Variants in SMAP1 observed in about 807,000 individuals in gnomAD.
The protein encoded by SMAP1 is stromal membrane-associated protein 1.
SMAP1 carries 24 observed loss-of-function variants against 58.5 expected under a neutral mutation model. The observed-to-expected ratio is 0.41, with a 90% confidence interval of 0.30 to 0.58. The LOEUF is 0.58. Ranked by LOEUF, SMAP1 falls within the 20% of genes least tolerant of loss-of-function variation. SMAP1 has a pLI of 0.29. For missense variants in SMAP1, 563 were observed against 566.3 expected, an observed-to-expected ratio of 0.99 and a Z score of 0.06; for synonymous variants, 216 against 196.6, an observed-to-expected ratio of 1.10 and a Z score of -0.82.
At chr6:70,675,524 T>G (rs540983791) in intron 1 of SMAP1, among the ~76,000 whole-genome samples, 37 of 151,662 alleles carry the variant, frequency 2.4e-4, no homozygotes, top group African/African-American at 8.7e-4. Context: ...GGTGGTGCAC[T>G]CCTGTAATCC....
intron 1 of SMAP1, among the ~76,000 whole-genome samples, chr6:70,690,661 A>G (rs1377508252): frequency 2.7e-5 from 4 of 150,498 alleles, no homozygotes; most frequent in African/African-American, 4.9e-5. Context: ...TTCCTGGGAG[A>G]AACTACACTT....
chr6:70,859,997 G>GGGGAAACTGTATCTAGAAAGTAGATAAA, intron 10 of SMAP1: 1 of 480,128 alleles, frequency 2.1e-6, no homozygotes, highest in Non-Finnish European at 3.4e-6. Context: ...GTTAATCTTT[G>GGGGAAACTGTATCTAGAAAGTAGATAAA]GGGAAACTGT....
At chr6:70,851,510 A>G (rs1449842508) in intron 7 of SMAP1, among the ~76,000 whole-genome samples, 1 of 152,190 alleles carries the variant, frequency 6.6e-6, no homozygotes, top group Non-Finnish European at 1.5e-5. Context: ...GAGACTGTAA[A>G]TTGTTAAGAT....
intron 2 of SMAP1, among the ~76,000 whole-genome samples, chr6:70,733,142 A>T (rs922777431): frequency 3.9e-5 from 6 of 152,330 alleles, no homozygotes; most frequent in East Asian, 1.9e-4. Flanking sequence ...TATGTAATTC[A>T]CAGTGAAGTT....
intron 7 of SMAP1, among the ~76,000 whole-genome samples, chr6:70,845,332 A>C (rs1167369974): frequency 1.3e-5 from 2 of 152,192 alleles, no homozygotes; most frequent in Non-Finnish European, 2.9e-5. Flanking sequence ...ATAGTAGTGC[A>C]AGAGGGGGAT....
At chr6:70,765,331 T>C (rs1766923120) in intron 3 of SMAP1, among the ~76,000 whole-genome samples, 1 of 152,184 alleles carries the variant, frequency 6.6e-6, no homozygotes. Context: ...GGCTAGTTGA[T>C]GTAAACAAAA....
intron 1 of SMAP1, among the ~76,000 whole-genome samples, chr6:70,717,675 G>A (rs140716706): frequency 4.3e-4 from 66 of 152,256 alleles, no homozygotes; most frequent in African/African-American, 1.5e-3. Flanking sequence ...AAAGCTACGG[G>A]CTTCCTTTTC....
At position 70,793,644 on chromosome 6, in the gene SMAP1, TAGAGAGAGAGAG is replaced by T. The variant is rs70990334; in HGVS notation, c.495+1893_495+1904del. Among the ~76,000 whole-genome samples, 27 of 140,430 alleles carry T rather than the reference TAGAGAGAGAGAG, an allele frequency of 1.9e-4. 1 individual carries two copies. The South Asian group carries it at 2.1e-3, about 11-fold the overall frequency. 92.1% of individuals were successfully genotyped at this position (140,430 alleles called of 152,430 possible). A position where few individuals can be genotyped will look rare whatever the true frequency, so the allele number is the denominator to read the frequency against. On this transcript the variant is annotated intron_variant, in intron 5 of 10. Transcript: ENST00000370455. ...GGAAAGAAAAGGGGAGGAGAGTAGT[TAGAGAGAGAGAG>T]AGAGAGAGAGAGAGAGAAAGCTTAA...
intron 6 of SMAP1, among the ~76,000 whole-genome samples, chr6:70,829,355 C>A (rs576212646): frequency 6.6e-6 from 1 of 151,814 alleles, no homozygotes; most frequent in Non-Finnish European, 1.5e-5. Flanking sequence ...TGAAGCGATT[C>A]TCCTACCTCA....
At chr6:70,785,874 C>T (rs896380704) in intron 4 of SMAP1, among the ~76,000 whole-genome samples, 13 of 152,160 alleles carry the variant, frequency 8.5e-5, no homozygotes, top group Non-Finnish European at 1.5e-4. Context: ...ACCAGAGGTA[C>T]AAGGAGGAGC....
At chr6:70,856,759 G>T (rs1390489947) in intron 8 of SMAP1, 100 bp from the exon 9 acceptor site, 12 of 1,235,508 alleles carry the variant, frequency 9.7e-6, no homozygotes, top group Non-Finnish European at 1.3e-5. Context: ...ACAATTGTTT[G>T]ATTCCTATCT....
intron 6 of SMAP1, among the ~76,000 whole-genome samples, chr6:70,836,712 AATTGTTT>A (rs1770601821): frequency 6.6e-6 from 1 of 152,194 alleles, no homozygotes; most frequent in African/African-American, 2.4e-5. Flanking sequence ...TTAAGAGTTA[AATTGTTT>A]TATTCACTAT....
chr6:70,681,600 AT>A (rs2128551948), intron 1 of SMAP1, among the ~76,000 whole-genome samples: 1 of 152,290 alleles, frequency 6.6e-6, no homozygotes, highest in East Asian at 1.9e-4. Flanking sequence ...CTGAGTAAAG[AT>A]TTTGCAGAAG....
chr6:70,860,579 ATTTGAGAAGCTGCTCAACTTGC>A lies in SMAP1; in HGVS notation c.*246_*267del. On this transcript the variant is annotated 3_prime_UTR_variant, in exon 11 of 11. Transcript: ENST00000370455. ...TTCCCATGATTTCATGTACTGCATT[ATTTGAGAAGCTGCTCAACTTGC>A]AAAATCAGTTTTCCTCTCAATAAAA... is the stretch of plus-strand genomic sequence containing the variant. 2.3e-6 allele frequency: 1 copy of A among 436,586 alleles called. No individual in the cohort carries two copies. The allele number at this position is 436,586 out of a possible 1,614,324, so 27.0% of individuals were successfully genotyped here.
chr6:70,814,375 A>G (rs1769524408), intron 6 of SMAP1, among the ~76,000 whole-genome samples: 1 of 152,220 alleles, frequency 6.6e-6, no homozygotes, highest in Non-Finnish European at 1.5e-5. Flanking sequence ...CCTGATAGGA[A>G]CATCTGTAGA....
intron 7 of SMAP1, among the ~76,000 whole-genome samples, chr6:70,844,177 G>A (rs1046975322): frequency 6.6e-6 from 1 of 152,122 alleles, no homozygotes; most frequent in Non-Finnish European, 1.5e-5. Context: ...ATACAATCTG[G>A]TTTCATATTT....
Position 70,857,935 on chromosome 6 carries a change from A to C in SMAP1, c.975A>C (p.Gly325=), listed in dbSNP as rs755191351. ...QQQSTPGVFM[G]PTNIPFTSQA... is the part of the protein sequence containing the mutation. ...TTTGTGGTGCAGGTGTATTTATGGG[A>C]CCCACAAATATACCATTTACCTCAC... Residue 325 remains glycine (G), a synonymous_variant, in exon 10 of 11, where the codon GGA becomes GGC. Coordinates refer to ENST00000370455, the MANE Select transcript of SMAP1 (RefSeq NM_001044305.3). The C allele has an allele frequency of 7.4e-6, 12 of 1,613,858 alleles. No homozygotes were observed. Among genetic ancestry groups the C allele is most frequent in the Non-Finnish European group, 8.5e-6 (10 of 1,179,884 alleles).
At position 70,711,379 on chromosome 6, in the gene SMAP1, A is replaced by G. The variant is rs184873547; in HGVS notation, c.119-20999A>G. ...TGTAAATGTGGTCTGTCATTGATTG[A>G]AAGGTCATTATGCAGAGCCTGACTG... is the stretch of plus-strand genomic sequence containing the variant. On this transcript the variant is annotated intron_variant, in intron 1 of 10. Transcript: ENST00000370455. Among the ~76,000 whole-genome samples the G allele has an allele frequency of 1.8e-3, 279 of 152,304 alleles. 1 individual carries two copies. The highest frequency in any genetic ancestry group is 3.1e-3 in the Non-Finnish European group (208 of 68,020).
intron 1 of SMAP1, chr6:70,668,745 AT>A (rs2128545728): frequency 6.5e-7 from 1 of 1,534,978 alleles, no homozygotes; most frequent in Non-Finnish European, 8.7e-7. Flanking sequence ...GAATAAATTA[AT>A]TGGAGAAAGG....
Sources: allele counts gnomAD v4.1 joint callset (sites outside exome capture counted in the v4.1 genomes callset), GRCh38; gene constraint gnomAD v4.1.1; transcripts MANE v1.5; gene names NCBI Gene and HGNC (gene_info 2026-07-23, HGNC 2026-07-21).